Variants in CSMD1 observed in about 807,000 individuals in gnomAD.
The protein encoded by CSMD1 is CUB and Sushi multiple domains 1, also known as CUB and sushi domain-containing protein 1.
A neutral mutation model predicts 417.5 loss-of-function variants in CSMD1; 213 were observed. The ratio of observed to expected loss-of-function variants is 0.51; its 90% CI spans 0.46 to 0.57. CSMD1 has a LOEUF of 0.57. CSMD1 is among the 20% of genes least tolerant of loss of function. The probability of loss-of-function intolerance (pLI) is 0.00; values close to 1 mark genes in which losing one functional copy is unlikely to be tolerated. For missense variants in CSMD1, 6,923 were observed against 4,529.7 expected (o/e 1.53, Z -15.17); for synonymous variants, 2,862 against 1,736.8 (o/e 1.65, Z -16.11).
chr8:4,924,169 T>A (rs1353877499), intron 1 of CSMD1, among the ~76,000 whole-genome samples: 2 of 152,162 alleles, frequency 1.3e-5, no homozygotes, highest in Non-Finnish European at 2.9e-5. Context: ...GAATACAGAT[T>A]TGACAATCTC....
At chr8:4,970,295 G>A (rs950941893) in intron 1 of CSMD1, among the ~76,000 whole-genome samples, 1 of 152,184 alleles carries the variant, frequency 6.6e-6, no homozygotes, top group South Asian at 2.1e-4. Context: ...TCATTTGTCT[G>A]TAAAATGGGA....
chr8:3,749,758 T>C (rs1797237955), intron 6 of CSMD1, among the ~76,000 whole-genome samples: 1 of 152,118 alleles, frequency 6.6e-6, no homozygotes, highest in South Asian at 2.1e-4. Flanking sequence ...AAATATTGTA[T>C]GTGAGAGTCA....
intron 1 of CSMD1, among the ~76,000 whole-genome samples, chr8:4,905,591 G>T (rs1194463468): frequency 6.6e-6 from 1 of 151,804 alleles, no homozygotes; most frequent in Admixed American, 6.6e-5. Flanking sequence ...AGGCCAAGGT[G>T]GGCCCATCAC....
Position 4,723,980 on chromosome 8 carries a change from C to T in CSMD1, c.86-86422G>A, listed in dbSNP as rs111489310. ...TGCATCCAATCTCGGGCAGAAAGAA[C>T]GTGAAAACAATTTTTAAAAATATGA... On this transcript the variant is annotated intron_variant, in intron 1 of 69. Transcript: ENST00000635120. Among the ~76,000 whole-genome samples the T allele has an allele frequency of 7.9e-3, 1,204 of 151,998 alleles. 25 individuals carry two copies. Among genetic ancestry groups the T allele is most frequent in the African/African-American group, 0.028 (1,153 of 41,480 alleles).
At chr8:4,804,142 C>G (rs573216773) in intron 1 of CSMD1, among the ~76,000 whole-genome samples, 1 of 152,082 alleles carries the variant, frequency 6.6e-6, no homozygotes, top group African/African-American at 2.4e-5. Flanking sequence ...CTTTATACAT[C>G]AAAACTAGAT....
chr8:3,925,562 G>C (rs773164842), intron 5 of CSMD1, among the ~76,000 whole-genome samples: 1 of 152,082 alleles, frequency 6.6e-6, no homozygotes, highest in African/African-American at 2.4e-5. Flanking sequence ...AGGGACCCAC[G>C]GTGAGGTAAC....
chr8:4,340,644 C>G (rs1174281201), intron 3 of CSMD1, among the ~76,000 whole-genome samples: 1 of 152,058 alleles, frequency 6.6e-6, no homozygotes, highest in African/African-American at 2.4e-5. Context: ...CCAAGTGGAG[C>G]TTGGTCGTGA....
intron 5 of CSMD1, among the ~76,000 whole-genome samples, chr8:3,887,904 G>A (rs972288236): frequency 1.3e-5 from 2 of 152,176 alleles, no homozygotes; most frequent in African/African-American, 4.8e-5. Flanking sequence ...TGAAAACTCA[G>A]TTGACATCAA....
intron 1 of CSMD1, among the ~76,000 whole-genome samples, chr8:4,983,633 C>T (rs1179358333): frequency 2.6e-5 from 4 of 152,138 alleles, no homozygotes; most frequent in African/African-American, 4.8e-5. Context: ...AGCGATTCTC[C>T]TGCCTCAACC....
At chr8:3,024,244 T>C (rs1020668268) in intron 51 of CSMD1, among the ~76,000 whole-genome samples, 1 of 151,216 alleles carries the variant, frequency 6.6e-6, no homozygotes, top group Admixed American at 6.6e-5. Flanking sequence ...AATGTGTTTA[T>C]TGATTTTTTT....
chr8:3,659,727 A>G (rs1269651835), intron 7 of CSMD1, among the ~76,000 whole-genome samples: 2 of 152,150 alleles, frequency 1.3e-5, no homozygotes, highest in African/African-American at 4.8e-5. Flanking sequence ...ACACTCCATA[A>G]TATTAATTCC....
chr8:3,989,682 T>A (rs1814599706), intron 5 of CSMD1, among the ~76,000 whole-genome samples: 1 of 152,248 alleles, frequency 6.6e-6, no homozygotes, highest in South Asian at 2.1e-4. Flanking sequence ...GATACTGTGA[T>A]ACTCTAAAGA....
intron 1 of CSMD1, among the ~76,000 whole-genome samples, chr8:4,904,436 G>A (rs1454414925): frequency 6.6e-6 from 1 of 152,146 alleles, no homozygotes; most frequent in Non-Finnish European, 1.5e-5. Context: ...AATAAAACTA[G>A]CTATTTGAAG....
intron 3 of CSMD1, among the ~76,000 whole-genome samples, chr8:4,166,928 G>A (rs1406341907): frequency 1.3e-5 from 2 of 152,176 alleles, no homozygotes; most frequent in Non-Finnish European, 2.9e-5. Context: ...CAGCAGCCAG[G>A]TGGGGTCAGT....
At chr8:3,544,517 G>C (rs531164085) in intron 10 of CSMD1, among the ~76,000 whole-genome samples, 3 of 151,680 alleles carry the variant, frequency 2.0e-5, no homozygotes, top group African/African-American at 7.3e-5. Flanking sequence ...ACTTGCCTTT[G>C]CTTTTGCACT....
At chr8:4,772,094 C>T in intron 1 of CSMD1, among the ~76,000 whole-genome samples, 1 of 152,112 alleles carries the variant, frequency 6.6e-6, no homozygotes, top group East Asian at 1.9e-4. Flanking sequence ...GCAGGCTTGA[C>T]GGGGAATAGG....
chr8:4,407,880 T>C (rs932034395), intron 3 of CSMD1, among the ~76,000 whole-genome samples: 2 of 152,156 alleles, frequency 1.3e-5, no homozygotes, highest in Non-Finnish European at 2.9e-5. Context: ...AGCTCATATT[T>C]ATGAGTTAAG....
chr8:4,210,051 C>A (rs142283947), intron 3 of CSMD1, among the ~76,000 whole-genome samples: 2,199 of 152,300 alleles, frequency 0.014, 29 homozygotes, highest in Middle Eastern at 0.058. Context: ...CTAAGCCCTG[C>A]TTCCTGAGTC....
rs371830557 is a variant in CSMD1 at position 3,919,162 on chromosome 8, C to T, written c.818+78741G>A. 7.7e-4 allele frequency among the ~76,000 whole-genome samples: 97 copies of T among 126,320 alleles called. 2 individuals carry two copies. The highest frequency in any genetic ancestry group is 1.4e-3 in the African/African-American group (47 of 33,608). 82.9% of individuals were successfully genotyped at this position (126,320 alleles called of 152,430 possible). On this transcript the variant is annotated intron_variant, in intron 5 of 69. Transcript: ENST00000635120. ...AGTCCCACTTCTTTTGATTTGGTTG[C>T]CTGTACTTTTCGTGTCATATCCAAA...
Sources: allele counts gnomAD v4.1 joint callset (sites outside exome capture counted in the v4.1 genomes callset), GRCh38; gene constraint gnomAD v4.1.1; transcripts MANE v1.5; gene names NCBI Gene and HGNC (gene_info 2026-07-23, HGNC 2026-07-21).